The following TECTB variants were observed in gnomAD, a reference collection of about 807,000 sequenced individuals.
TECTB encodes the protein beta-tectorin.
Under a neutral mutation model 43.3 loss-of-function variants are expected in TECTB, and 45 were observed. That is an observed-to-expected ratio of 1.04 (90% confidence interval 0.82 to 1.33). TECTB has a LOEUF of 1.33. TECTB is among the 40% of genes most tolerant of loss of function. TECTB has a pLI of 0.00. For synonymous variants in TECTB, 169 were observed against 156.7 expected, an observed-to-expected ratio of 1.08 and a Z score of -0.59; for missense variants, 399 against 404.7, an observed-to-expected ratio of 0.99 and a Z score of 0.12.
intron 8 of TECTB, 73 bp downstream of exon 8, chr10:112,298,304 G>T: frequency 6.5e-7 from 1 of 1,544,032 alleles, no homozygotes; most frequent in South Asian, 1.2e-5. Flanking sequence ...AGTTTGAGTG[G>T]GGAGATCATA....
chr10:112,283,953 T>A, intron 2 of TECTB, 143 bp downstream of exon 2: 3 of 835,818 alleles, frequency 3.6e-6, no homozygotes, highest in South Asian at 3.8e-5. Flanking sequence ...CCCCCTCCAA[T>A]ACCAATCAGA....
chr10:112,292,787 A>C (rs974783315), intron 5 of TECTB, among the ~76,000 whole-genome samples: 1 of 149,036 alleles, frequency 6.7e-6, no homozygotes. Flanking sequence ...ATCTAACCTC[A>C]CCCCCACCCC....
At chr10:112,289,737 G>A (rs1206647019) in intron 5 of TECTB, among the ~76,000 whole-genome samples, 1 of 152,074 alleles carries the variant, frequency 6.6e-6, no homozygotes, top group Admixed American at 6.5e-5. Flanking sequence ...AAAAAATGAA[G>A]CCCAAAGTTG....
intron 5 of TECTB, among the ~76,000 whole-genome samples, chr10:112,289,498 A>G (rs779364403): frequency 3.3e-5 from 5 of 152,152 alleles, no homozygotes; most frequent in Non-Finnish European, 4.4e-5. Context: ...TCCAAAGACA[A>G]TGATATTTGG....
chr10:112,286,029 G>A (rs376753403), intron 3 of TECTB, 42 bp from the exon 4 acceptor site: 104 of 1,610,444 alleles, frequency 6.5e-5, no homozygotes, highest in Non-Finnish European at 7.6e-5. Flanking sequence ...TTCCCATCGC[G>A]GGGAAACAGA....
chr10:112,296,376 C>G (rs1323456752), intron 7 of TECTB, among the ~76,000 whole-genome samples: 3 of 152,172 alleles, frequency 2.0e-5, no homozygotes, highest in African/African-American at 7.2e-5. Flanking sequence ...GTGGGTGCTG[C>G]AGCTGGTGCC....
chr10:112,284,222 A>T lies in TECTB; in HGVS notation c.77-313A>T, dbSNP rs547663697. Among the ~76,000 whole-genome samples the T allele has an allele frequency of 1.1e-4, 16 of 152,316 alleles. 1 individual carries two copies. Among genetic ancestry groups the T allele is most frequent in the African/African-American group, 3.6e-4 (15 of 41,564 alleles). ...ATGTGCTCATTGTTATGGAGATTTT[A>T]ATATATATTTATGTATGTCTAATAC... On this transcript the variant is annotated intron_variant, in intron 2 of 10. Coordinates refer to ENST00000646139, the MANE Select transcript of TECTB (RefSeq NM_058222.3).
chr10:112,300,319 G>GAAAGAA (rs1554854245), intron 9 of TECTB, among the ~76,000 whole-genome samples: 2 of 107,750 alleles, frequency 1.9e-5, no homozygotes, highest in African/African-American at 3.7e-5. Context: ...AAGAAAGAAA[G>GAAAGAA]AGAAAGAAAA....
At chr10:112,303,137 C>G in intron 10 of TECTB, 126 bp from the exon 11 acceptor site, 2 of 1,172,678 alleles carry the variant, frequency 1.7e-6, no homozygotes, top group Non-Finnish European at 2.5e-6. Context: ...AAGGGATGAA[C>G]AAAATCGACT....
chr10:112,303,197 G>A, intron 10 of TECTB, 66 bp from the exon 11 acceptor site: 2 of 1,590,764 alleles, frequency 1.3e-6, no homozygotes, highest in South Asian at 1.1e-5. Flanking sequence ...TAACTCTTCT[G>A]TTGAGTTGGC....
intron 7 of TECTB, among the ~76,000 whole-genome samples, chr10:112,295,804 G>A (rs1035195684): frequency 6.6e-5 from 10 of 152,222 alleles, no homozygotes; most frequent in African/African-American, 2.2e-4. Context: ...GGGAGTTCTA[G>A]TGCCGTTGTT....
intron 8 of TECTB, 120 bp from the exon 9 acceptor site, chr10:112,299,372 T>G: frequency 1.1e-6 from 1 of 889,304 alleles, no homozygotes; most frequent in Non-Finnish European, 1.8e-6. Context: ...GACTGGGGAA[T>G]TGTGACTCCA....
intron 5 of TECTB, among the ~76,000 whole-genome samples, chr10:112,290,578 C>G (rs1848490829): frequency 6.6e-6 from 1 of 152,144 alleles, no homozygotes; most frequent in African/African-American, 2.4e-5. Flanking sequence ...CTGGCTGGTC[C>G]CTGGCAGAAA....
chr10:112,284,407 G>C (rs764687832), intron 2 of TECTB, 128 bp from the exon 3 acceptor site: 6 of 874,842 alleles, frequency 6.9e-6, no homozygotes, highest in Non-Finnish European at 7.9e-6. Context: ...AGCTGGTGAG[G>C]AATAGCAGGG....
intron 5 of TECTB, among the ~76,000 whole-genome samples, chr10:112,291,155 C>T (rs530938491): frequency 1.3e-5 from 2 of 152,050 alleles, no homozygotes; most frequent in African/African-American, 4.8e-5. Flanking sequence ...CTCCCTCCCC[C>T]ACCCCACCCA....
chr10:112,298,289 G>A (rs923870671), intron 8 of TECTB, 58 bp downstream of exon 8: 1 of 1,562,208 alleles, frequency 6.4e-7, no homozygotes, highest in African/African-American at 1.4e-5. Context: ...TATTGGAGGA[G>A]CTGGAGTTTG....
chr10:112,286,283 T>G, intron 4 of TECTB, 36 bp from the exon 5 acceptor site: 2 of 1,612,028 alleles, frequency 1.2e-6, no homozygotes, highest in Non-Finnish European at 1.7e-6. Context: ...AATCAGCGTG[T>G]TTCAGTCCTT....
At chr10:112,293,669 T>C (rs1848519079) in intron 5 of TECTB, 69 bp from the exon 6 acceptor site, 27 of 1,418,386 alleles carry the variant, frequency 1.9e-5, no homozygotes, top group African/African-American at 2.8e-5. Flanking sequence ...TCCCAATTCA[T>C]CTGCTCCTGG....
At chr10:112,297,643 A>G (rs1848560573) in intron 7 of TECTB, among the ~76,000 whole-genome samples, 1 of 152,194 alleles carries the variant, frequency 6.6e-6, no homozygotes, top group South Asian at 2.1e-4. Flanking sequence ...GTTCACACAC[A>G]GAAATGTGTT....
Sources: allele counts gnomAD v4.1 joint callset (sites outside exome capture counted in the v4.1 genomes callset), GRCh38; gene constraint gnomAD v4.1.1; transcripts MANE v1.5; gene names NCBI Gene and HGNC (gene_info 2026-07-23, HGNC 2026-07-21).